SMG6: variants seen among roughly 807,000 people sequenced by gnomAD.
SMG6 encodes SMG6 nonsense mediated mRNA decay factor.
SMG6 carries 66 observed loss-of-function variants against 142.2 expected under a neutral mutation model. The ratio of observed to expected loss-of-function variants is 0.46; its 90% CI spans 0.38 to 0.57. The LOEUF (loss-of-function observed/expected upper bound fraction) is 0.57. Among genes scored for constraint, SMG6 ranks in the 20% least tolerant of loss-of-function variants. SMG6 has a pLI of 0.00. For synonymous variants in SMG6, 779 were observed against 702.4 expected (o/e 1.11, Z -1.72); for missense variants, 1,793 against 1,832.0 (o/e 0.98, Z 0.39).
intron 13 of SMG6, among the ~76,000 whole-genome samples, chr17:2,140,689 T>G (rs531214400): frequency 1.5e-5 from 2 of 132,006 alleles, no homozygotes; most frequent in Non-Finnish European, 3.2e-5. Flanking sequence ...AAAAAAAAAA[T>G]TCTTCATATC....
chr17:2,094,206 G>T (rs2068798228), intron 13 of SMG6, among the ~76,000 whole-genome samples: 1 of 152,178 alleles, frequency 6.6e-6, no homozygotes, highest in Admixed American at 6.5e-5. Context: ...TTGCTAGTGG[G>T]ATCGTTGAGG....
intron 12 of SMG6, among the ~76,000 whole-genome samples, chr17:2,174,014 A>C (rs2071586025): frequency 6.6e-6 from 1 of 152,168 alleles, no homozygotes; most frequent in South Asian, 2.1e-4. Flanking sequence ...ACTCTAAAAG[A>C]AGAGAGATGC....
intron 12 of SMG6, among the ~76,000 whole-genome samples, chr17:2,174,796 T>C (rs920596670): frequency 9.2e-5 from 14 of 152,262 alleles, no homozygotes; most frequent in African/African-American, 3.1e-4. Context: ...AAATAAACAG[T>C]TGCAACACGT....
At chr17:2,111,284 G>A (rs2069308845) in intron 13 of SMG6, among the ~76,000 whole-genome samples, 1 of 152,176 alleles carries the variant, frequency 6.6e-6, no homozygotes, top group East Asian at 1.9e-4. Flanking sequence ...AAGGGAGACA[G>A]AGAGCGGCAG....
chr17:2,097,874 A>G (rs2068898571), intron 13 of SMG6, among the ~76,000 whole-genome samples: 1 of 152,230 alleles, frequency 6.6e-6, no homozygotes, highest in Non-Finnish European at 1.5e-5. Flanking sequence ...CAGAGCAGAG[A>G]GTAGACCATT....
chr17:2,225,377 C>G (rs186173036), intron 10 of SMG6, among the ~76,000 whole-genome samples: 10 of 151,754 alleles, frequency 6.6e-5, no homozygotes, highest in Non-Finnish European at 1.3e-4. Context: ...TGGTCATGCC[C>G]TTGTAATCCC....
At chr17:2,108,092 C>T (rs763338371) in intron 13 of SMG6, among the ~76,000 whole-genome samples, 4 of 151,912 alleles carry the variant, frequency 2.6e-5, no homozygotes, top group Non-Finnish European at 5.9e-5. Flanking sequence ...TTGTTTTTTA[C>T]ATCCAATGCC....
At chr17:2,266,062 T>C (rs188783653) in intron 8 of SMG6, 221 of 985,406 alleles carry the variant, frequency 2.2e-4, no homozygotes, top group Non-Finnish European at 2.6e-4. Flanking sequence ...CAGAAATGCC[T>C]TTCCCCCCTC....
In SMG6 at chr17:2,266,254, AAC is replaced by A. The variant is rs2074421253; in HGVS notation, c.2661+16391_2661+16392del. On this transcript the variant is annotated intron_variant, in intron 8 of 18. Transcript: ENST00000263073. ...GTGGGGTGGAAAGTGGCCTGTGGGT[AAC>A]ACAGAATATACACACGCACGCGAAC... is the stretch of plus-strand genomic sequence containing the variant. The A allele has an allele frequency of 4.8e-6, 4 of 839,690 alleles. 1 individual carries two copies. Among genetic ancestry groups the A allele is most frequent in the Admixed American group, 1.2e-4 (2 of 16,094 alleles). The allele number at this position is 839,690 out of a possible 1,614,324, so 52.0% of individuals were successfully genotyped here. A position where few individuals can be genotyped will look rare whatever the true frequency, so the allele number is the denominator to read the frequency against.
intron 13 of SMG6, among the ~76,000 whole-genome samples, chr17:2,097,495 T>TG (rs1351781940): frequency 1.3e-5 from 2 of 152,192 alleles, no homozygotes; most frequent in Non-Finnish European, 2.9e-5. Context: ...ATGAGGTGTG[T>TG]TACTGTGTTG....
intron 13 of SMG6, among the ~76,000 whole-genome samples, chr17:2,103,951 A>G (rs976393292): frequency 3.3e-5 from 5 of 149,288 alleles, no homozygotes; most frequent in African/African-American, 9.9e-5. Flanking sequence ...CCATCAACAC[A>G]TTCTTTTTTT....
intron 13 of SMG6, among the ~76,000 whole-genome samples, chr17:2,159,668 G>A (rs1337547542): frequency 6.6e-6 from 1 of 152,018 alleles, no homozygotes; most frequent in African/African-American, 2.4e-5. Context: ...TCTACTCCTG[G>A]ATATTTATCC....
chr17:2,173,028 G>A, intron 12 of SMG6, 169 bp from the exon 13 acceptor site: 1 of 642,560 alleles, frequency 1.6e-6, no homozygotes, highest in South Asian at 1.9e-5. Context: ...GCCCAAGGCA[G>A]CAATCTGAGG....
In SMG6 at chr17:2,064,995, C is replaced by A. The variant is rs2067896569; in HGVS notation, c.4129+78G>T. 5 of 1,175,470 alleles carry A rather than the reference C, an allele frequency of 4.3e-6. No individual in the cohort carries two copies. In the Admixed American group the frequency reaches 9.0e-5, roughly 21 times the overall value. 72.8% of individuals were successfully genotyped at this position (1,175,470 alleles called of 1,614,324 possible). ...TTCCCAGGCCAGAGTCAGTGGAGCCCTTCTCAGGGGCTGAGGATGGGTAGG... is the reference window on the plus strand; with the variant it reads ...TTCCCAGGCCAGAGTCAGTGGAGCCATTCTCAGGGGCTGAGGATGGGTAGG... On this transcript the variant is annotated intron_variant, in intron 18 of 18. Coordinates refer to ENST00000263073, the MANE Select transcript of SMG6 (RefSeq NM_017575.5).
chr17:2,297,432 C>A (rs887423099), intron 3 of SMG6, 79 bp from the exon 4 acceptor site: 9 of 1,020,290 alleles, frequency 8.8e-6, no homozygotes, highest in Non-Finnish European at 1.0e-5. Flanking sequence ...GCAGACAACC[C>A]TTTCACAGTT....
chr17:2,233,328 T>A (rs1221962528), intron 10 of SMG6: 2 of 152,266 alleles, frequency 1.3e-5, no homozygotes, highest in Non-Finnish European at 2.9e-5. Context: ...GAAGGACATG[T>A]CCAAGAAGGA....
intron 6 of SMG6, among the ~76,000 whole-genome samples, chr17:2,292,219 T>A (rs545055449): frequency 6.6e-5 from 10 of 152,224 alleles, no homozygotes; most frequent in Admixed American, 5.9e-4. Flanking sequence ...CTAGAATGAG[T>A]TGCCTAGTTC....
In SMG6 at chr17:2,061,478, C is replaced by G. The variant is rs2067774922; in HGVS notation, c.*14G>C. 4 of 1,565,554 alleles carry G rather than the reference C, an allele frequency of 2.6e-6. No individual in the cohort carries two copies. Among genetic ancestry groups the G allele is most frequent in the South Asian group, 1.2e-5 (1 of 86,190 alleles). On this transcript the variant is annotated 3_prime_UTR_variant, in exon 19 of 19. Coordinates refer to ENST00000263073, the MANE Select transcript of SMG6 (RefSeq NM_017575.5). ...GGAACGGTTCCACGGGGGGGGGGCC[C>G]CAGTGTGGCTCCCTCAGCCCACCTG...
chr17:2,300,754 T>A, intron 1 of SMG6, 90 bp from the exon 2 acceptor site: 1 of 1,253,844 alleles, frequency 8.0e-7, no homozygotes, highest in Non-Finnish European at 1.1e-6. Flanking sequence ...TCTGGTTAAG[T>A]AACAAAAAAA....
Sources: allele counts gnomAD v4.1 joint callset (sites outside exome capture counted in the v4.1 genomes callset), GRCh38; gene constraint gnomAD v4.1.1; transcripts MANE v1.5; gene names NCBI Gene and HGNC (gene_info 2026-07-23, HGNC 2026-07-21).